CCSER1: variants seen among roughly 807,000 people sequenced by gnomAD.
CCSER1 encodes coiled-coil serine rich protein 1.
CCSER1 carries 41 observed loss-of-function variants against 82.0 expected under a neutral mutation model. The observed-to-expected ratio is 0.50, with a 90% CI of 0.39 to 0.65. The LOEUF is 0.65. Among genes scored for constraint, CCSER1 ranks in the 30% least tolerant of loss-of-function variants. The probability of loss-of-function intolerance (pLI) is 0.00; values close to 1 mark genes in which losing one functional copy is unlikely to be tolerated. For synonymous variants in CCSER1, 414 were observed against 383.9 expected (o/e 1.08, Z -0.92); for missense variants, 1,119 against 1,064.2 (o/e 1.05, Z -0.72).
chr4:90,486,248 T>C (rs573748554), intron 5 of CCSER1, among the ~76,000 whole-genome samples: 2 of 152,220 alleles, frequency 1.3e-5, no homozygotes, highest in Non-Finnish European at 2.9e-5. Flanking sequence ...TCTCTTTTGC[T>C]TAAATTCTTG....
intron 3 of CCSER1, among the ~76,000 whole-genome samples, chr4:90,321,753 A>G (rs895056627): frequency 6.6e-6 from 1 of 152,040 alleles, no homozygotes; most frequent in Admixed American, 6.6e-5. Flanking sequence ...GATAAAAGAC[A>G]CTTTTTATAT....
At chr4:91,408,951 G>T (rs1752865924) in intron 10 of CCSER1, among the ~76,000 whole-genome samples, 2 of 152,060 alleles carry the variant, frequency 1.3e-5, no homozygotes, top group South Asian at 4.1e-4. Flanking sequence ...GTCAGACCTG[G>T]GTGTTCATGA....
intron 5 of CCSER1, among the ~76,000 whole-genome samples, chr4:90,483,755 T>G (rs138036027): frequency 6.6e-6 from 1 of 152,244 alleles, no homozygotes; most frequent in African/African-American, 2.4e-5. Flanking sequence ...GTTAGTGTGA[T>G]GGGCTTCCCT....
At chr4:91,505,909 A>G (rs1759457839) in intron 10 of CCSER1, among the ~76,000 whole-genome samples, 1 of 152,180 alleles carries the variant, frequency 6.6e-6, no homozygotes, top group Admixed American at 6.5e-5. Context: ...CTCTGATGAT[A>G]GTTCCTTTTG....
chr4:91,468,075 C>T (rs1249162161), intron 10 of CCSER1, among the ~76,000 whole-genome samples: 5 of 152,128 alleles, frequency 3.3e-5, no homozygotes, highest in Admixed American at 3.3e-4. Flanking sequence ...CAGCACTATT[C>T]ACAATAGCAA....
chr4:90,451,781 G>T (rs1337710918), intron 4 of CCSER1, among the ~76,000 whole-genome samples: 1 of 152,132 alleles, frequency 6.6e-6, no homozygotes, highest in African/African-American at 2.4e-5. Flanking sequence ...TTGGCTGCTT[G>T]GTCTGCCAAC....
chr4:90,333,575 T>A (rs2153498818), intron 3 of CCSER1, among the ~76,000 whole-genome samples: 1 of 152,362 alleles, frequency 6.6e-6, no homozygotes, highest in Non-Finnish European at 1.5e-5. Context: ...ACCGTGAAGT[T>A]ACTTCTCCAG....
At chr4:91,111,239 C>T (rs79198593) in intron 10 of CCSER1, among the ~76,000 whole-genome samples, 2,136 of 152,086 alleles carry the variant, frequency 0.014, 53 homozygotes, top group African/African-American at 0.047. Context: ...GGTCTGCAGA[C>T]ACTCATCACT....
At chr4:90,880,532 C>A (rs1233138742) in intron 8 of CCSER1, among the ~76,000 whole-genome samples, 1 of 152,134 alleles carries the variant, frequency 6.6e-6, no homozygotes, top group Non-Finnish European at 1.5e-5. Context: ...CTTCATTACT[C>A]CAAGGGAAGC....
chr4:90,886,722 A>C (rs552212835), intron 8 of CCSER1, among the ~76,000 whole-genome samples: 17 of 152,312 alleles, frequency 1.1e-4, no homozygotes, highest in African/African-American at 4.1e-4. Flanking sequence ...AGGTTTGTAA[A>C]CTTGCCTGAG....
intron 6 of CCSER1, among the ~76,000 whole-genome samples, chr4:90,664,389 C>T (rs1731341194): frequency 6.6e-6 from 1 of 152,062 alleles, no homozygotes; most frequent in Non-Finnish European, 1.5e-5. Context: ...ACAGGATAAA[C>T]AAGGCACAAA....
chr4:90,918,654 T>TATATATATATATATATA (rs1561363101), intron 8 of CCSER1, among the ~76,000 whole-genome samples: 2 of 151,436 alleles, frequency 1.3e-5, no homozygotes, highest in East Asian at 1.9e-4. Flanking sequence ...TATATATATA[T>TATATATATATATATATA]TAGTAATAAA....
chr4:90,316,236 A>T (rs1031019342), intron 3 of CCSER1, among the ~76,000 whole-genome samples: 1 of 152,228 alleles, frequency 6.6e-6, no homozygotes, highest in Non-Finnish European at 1.5e-5. Flanking sequence ...AAAATGACAT[A>T]GCTCATAAAT....
intron 10 of CCSER1, among the ~76,000 whole-genome samples, chr4:91,524,694 G>A (rs912520370): frequency 1.3e-5 from 2 of 152,246 alleles, no homozygotes; most frequent in Admixed American, 6.5e-5. Context: ...AGGGGAAACC[G>A]TAGTTATTTA....
chr4:90,407,240 C>T (rs1342761805), intron 4 of CCSER1, among the ~76,000 whole-genome samples: 1 of 152,140 alleles, frequency 6.6e-6, no homozygotes. Context: ...AACACCTTTA[C>T]ACACATAAAC....
rs186681816 is a variant in CCSER1, at chr4:91,076,077, T to C, written c.2173-9873T>C. ...ATCATAGAATTAATGAATCTTACTA[T>C]ACCTTACTTCTCCTTTGAAACACAA... On this transcript the variant is annotated intron_variant, in intron 9 of 10. Transcript: ENST00000509176. Among the ~76,000 whole-genome samples, 287 of 152,298 alleles carry C rather than the reference T, an allele frequency of 1.9e-3. 1 individual carries two copies. The highest frequency in any genetic ancestry group is 4.8e-3 in the South Asian group (23 of 4,832).
intron 10 of CCSER1, among the ~76,000 whole-genome samples, chr4:91,551,420 C>G (rs1162754319): frequency 6.6e-6 from 1 of 152,018 alleles, no homozygotes; most frequent in African/African-American, 2.4e-5. Context: ...AACACCTAAC[C>G]TGCTGCAAAA....
At chr4:90,814,874 C>T (rs1479280862) in intron 7 of CCSER1, among the ~76,000 whole-genome samples, 1 of 152,174 alleles carries the variant, frequency 6.6e-6, no homozygotes, top group African/African-American at 2.4e-5. Flanking sequence ...CAAACTTTCT[C>T]ACATCTTCCT....
intron 1 of CCSER1, among the ~76,000 whole-genome samples, chr4:90,177,918 T>G (rs1472261123): frequency 6.6e-6 from 1 of 152,024 alleles, no homozygotes; most frequent in African/African-American, 2.4e-5. Flanking sequence ...TCCAAAGTGC[T>G]CCAAAATCCA....
Sources: gnomAD v4.1 joint callset for allele counts (sites outside exome capture counted in the v4.1 genomes callset) on GRCh38, gnomAD v4.1.1 for gene constraint, MANE v1.5 for transcripts, NCBI Gene and HGNC (gene_info 2026-07-23, HGNC 2026-07-21) for gene names.